NWD2: variants seen among roughly 807,000 people sequenced by gnomAD.
NWD2 encodes NACHT and WD repeat domain-containing protein 2.
In NWD2, 37 loss-of-function variants were observed where a neutral mutation model predicts 132.7. The ratio of observed to expected loss-of-function variants is 0.28; its 90% CI spans 0.21 to 0.37. The LOEUF (loss-of-function observed/expected upper bound fraction) is 0.37. Ranked by LOEUF, NWD2 falls within the 10% of genes least tolerant of loss-of-function variation. The pLI, the probability that NWD2 is intolerant of heterozygous loss-of-function variation, is 1.00. For synonymous variants in NWD2, 705 were observed against 803.0 expected (o/e 0.88, Z 2.06); for missense variants, 1,592 against 2,122.4 (o/e 0.75, Z 4.91).
intron 1 of NWD2, among the ~76,000 whole-genome samples, chr4:37,286,558 C>T (rs961351944): frequency 5.3e-5 from 8 of 152,184 alleles, no homozygotes; most frequent in Non-Finnish European, 1.0e-4. Context: ...AGTTAAAAAT[C>T]AGTGTTGGGG....
intron 1 of NWD2, among the ~76,000 whole-genome samples, chr4:37,309,215 G>T (rs956283435): frequency 1.3e-5 from 2 of 152,200 alleles, no homozygotes. Flanking sequence ...CTGGCAGCAG[G>T]CCCCAGGCAG....
At chr4:37,361,705 C>T (rs1719985452) in intron 3 of NWD2, among the ~76,000 whole-genome samples, 2 of 152,170 alleles carry the variant, frequency 1.3e-5, no homozygotes, top group Non-Finnish European at 2.9e-5. Context: ...GACAAACCCA[C>T]AACCAACATC....
intron 3 of NWD2, among the ~76,000 whole-genome samples, chr4:37,377,969 A>G (rs538788519): frequency 1.3e-5 from 2 of 152,204 alleles, no homozygotes; most frequent in Non-Finnish European, 2.9e-5. Context: ...ATCATTCTAC[A>G]TTGTAAACAT....
intron 3 of NWD2, among the ~76,000 whole-genome samples, chr4:37,397,422 T>G (rs1179704567): frequency 6.6e-6 from 1 of 152,194 alleles, no homozygotes; most frequent in Non-Finnish European, 1.5e-5. Context: ...CCCTCCATCA[T>G]GTGGATGGGC....
intron 1 of NWD2, among the ~76,000 whole-genome samples, chr4:37,310,099 T>C (rs891230041): frequency 2.0e-5 from 3 of 152,228 alleles, no homozygotes; most frequent in Non-Finnish European, 4.4e-5. Flanking sequence ...AGTAGGGCCC[T>C]ATACTTTGTC....
intron 1 of NWD2, among the ~76,000 whole-genome samples, chr4:37,274,507 A>G (rs1717946819): frequency 6.6e-6 from 1 of 152,020 alleles, no homozygotes; most frequent in Non-Finnish European, 1.5e-5. Context: ...GCGGTACAAG[A>G]AGGAGCTGGT....
At chr4:37,326,691 A>T (rs1020695929) in intron 2 of NWD2, among the ~76,000 whole-genome samples, 4 of 152,202 alleles carry the variant, frequency 2.6e-5, no homozygotes, top group African/African-American at 9.6e-5. Context: ...CCTGCAACAG[A>T]TAACATTATT....
intron 1 of NWD2, among the ~76,000 whole-genome samples, chr4:37,300,459 T>C (rs919231374): frequency 1.3e-5 from 2 of 152,132 alleles, no homozygotes; most frequent in African/African-American, 2.4e-5. Flanking sequence ...TTTCTTTAAA[T>C]AGACTTTAAC....
chr4:37,417,940 T>A (rs1711674381), intron 3 of NWD2, among the ~76,000 whole-genome samples: 1 of 152,184 alleles, frequency 6.6e-6, no homozygotes, highest in African/African-American at 2.4e-5. Flanking sequence ...TATATGTATA[T>A]ACAGAGGTTA....
chr4:37,260,917 G>A (rs1193093540), intron 1 of NWD2, among the ~76,000 whole-genome samples: 1 of 152,166 alleles, frequency 6.6e-6, no homozygotes, highest in African/African-American at 2.4e-5. Context: ...GAATAGTAGA[G>A]GTTGAAAATT....
chr4:37,377,752 A>G (rs1720373507), intron 3 of NWD2, among the ~76,000 whole-genome samples: 1 of 152,224 alleles, frequency 6.6e-6, no homozygotes, highest in African/African-American at 2.4e-5. Flanking sequence ...AAAGTTCAGG[A>G]GGAAAGACAT....
At chr4:37,415,780 G>T (rs1461498827) in intron 3 of NWD2, among the ~76,000 whole-genome samples, 1 of 151,578 alleles carries the variant, frequency 6.6e-6, no homozygotes, top group Admixed American at 6.6e-5. Flanking sequence ...TAAGGATTAG[G>T]CACATACTGA....
intron 1 of NWD2, among the ~76,000 whole-genome samples, chr4:37,283,396 G>A (rs1474344612): frequency 6.6e-6 from 1 of 152,092 alleles, no homozygotes; most frequent in Non-Finnish European, 1.5e-5. Flanking sequence ...AATTCAGTAT[G>A]TCTGTATATG....
intron 2 of NWD2, among the ~76,000 whole-genome samples, chr4:37,351,833 C>T (rs1719772707): frequency 6.6e-6 from 1 of 152,202 alleles, no homozygotes; most frequent in South Asian, 2.1e-4. Context: ...AAATTTCCCT[C>T]TAAACACTGC....
At chr4:37,277,615 CTATT>C (rs1207182095) in intron 1 of NWD2, among the ~76,000 whole-genome samples, 2 of 152,136 alleles carry the variant, frequency 1.3e-5, no homozygotes, top group Non-Finnish European at 1.5e-5. Context: ...TTGATTATCT[CTATT>C]TATTGTTGAC....
chr4:37,336,952 GAA>G (rs11371327), intron 2 of NWD2, among the ~76,000 whole-genome samples: 4,905 of 118,978 alleles, frequency 0.041, 123 homozygotes, highest in East Asian at 0.14. Context: ...CTCAAAAAAA[GAA>G]AAAAAAAAAA....
chr4:37,422,943 T>A (rs2109323389), intron 3 of NWD2, among the ~76,000 whole-genome samples: 1 of 152,280 alleles, frequency 6.6e-6, no homozygotes, highest in African/African-American at 2.4e-5. Flanking sequence ...ATTCGTAATA[T>A]GTGAAACACA....
At chr4:37,428,834 C>T (rs756842857) in intron 3 of NWD2, among the ~76,000 whole-genome samples, 13 of 152,192 alleles carry the variant, frequency 8.5e-5, no homozygotes, top group African/African-American at 1.2e-4. Flanking sequence ...CAGGTTAAAG[C>T]GATTCTCCTG....
intron 3 of NWD2, among the ~76,000 whole-genome samples, chr4:37,357,468 T>A (rs1161461600): frequency 6.6e-6 from 1 of 152,218 alleles, no homozygotes; most frequent in Non-Finnish European, 1.5e-5. Flanking sequence ...AAAGGCTGTA[T>A]CATATAGTAT....
Sources: gnomAD v4.1 joint callset for allele counts (sites outside exome capture counted in the v4.1 genomes callset) on GRCh38, gnomAD v4.1.1 for gene constraint, MANE v1.5 for transcripts, NCBI Gene and HGNC (gene_info 2026-07-23, HGNC 2026-07-21) for gene names.